VAX2: variants seen among roughly 807,000 people sequenced by gnomAD.
VAX2 encodes the protein ventral anterior homeobox 2.
In VAX2, 8 loss-of-function variants were observed where a neutral mutation model predicts 12.5. The ratio of observed to expected loss-of-function variants is 0.64; its 90% CI spans 0.37 to 1.15. VAX2 has a LOEUF of 1.15. VAX2 is among the 50% of genes most tolerant of loss of function. The pLI is 0.01. For synonymous variants in VAX2, 183 were observed against 187.6 expected (o/e 0.98, Z 0.20); for missense variants, 476 against 412.9 (o/e 1.15, Z -1.32).
chr2:70,905,324 T>G lies in VAX2; in HGVS notation c.247+4456T>G, dbSNP rs185411357. ...TTTTGGTTTTAGCATTTGTAGAGGG[T>G]TTCTTTTTTGTTTGTTTGTTTTCTT... On this transcript the variant is annotated intron_variant, in intron 1 of 2. Transcript: ENST00000234392. 9.2e-3 allele frequency among the ~76,000 whole-genome samples: 1,403 copies of G among 152,178 alleles called. 18 individuals are homozygous for G. The highest frequency in any genetic ancestry group is 0.013 in the Non-Finnish European group (876 of 68,008).
At chr2:70,921,375 A>C in intron 2 of VAX2, 90 bp downstream of exon 2, 2 of 1,401,012 alleles carry the variant, frequency 1.4e-6, no homozygotes, top group Non-Finnish European at 1.9e-6. Flanking sequence ...CTACAGGGAG[A>C]CCCAACTTTG....
chr2:70,929,142 C>A (rs1318091468), intron 2 of VAX2, among the ~76,000 whole-genome samples: 1 of 152,238 alleles, frequency 6.6e-6, no homozygotes, highest in Non-Finnish European at 1.5e-5. Context: ...TTTCTTCTTT[C>A]CAGTCATTGC....
intron 1 of VAX2, among the ~76,000 whole-genome samples, chr2:70,912,702 A>G (rs1380400571): frequency 2.6e-5 from 4 of 152,014 alleles, no homozygotes; most frequent in Non-Finnish European, 5.9e-5. Context: ...GTGCAAAGAG[A>G]CTACCTAGTG....
intron 1 of VAX2, among the ~76,000 whole-genome samples, chr2:70,916,100 T>C (rs1444395011): frequency 1.3e-5 from 2 of 152,222 alleles, no homozygotes; most frequent in Non-Finnish European, 2.9e-5. Flanking sequence ...ATAAGTGGAA[T>C]ACAGAGACAC....
rs1553409781 is a variant in VAX2 at position 70,901,515 on chromosome 2, C to CGT, written c.247+648_247+649dup. Among the ~76,000 whole-genome samples, 4 of 152,216 alleles carry CGT rather than the reference C, an allele frequency of 2.6e-5. No homozygotes were observed. In the South Asian group the frequency reaches 8.3e-4, roughly 32 times the overall value. On this transcript the variant is annotated intron_variant, in intron 1 of 2. Coordinates refer to ENST00000234392, the MANE Select transcript of VAX2 (RefSeq NM_012476.3). ...CGCCTTCCCGCGGCCTGGCCTTTCA[C>CGT]GTCCTTCTCTTTCTCCCTCGGCCCT...
At position 70,909,694 on chromosome 2, in the gene VAX2, T is replaced by G. The variant is rs189884210; in HGVS notation, c.247+8826T>G. Reference sequence around the variant, plus strand: ...AAATTGTCTTAGCTTGCAAGTAGAGTAAAAGAATATTTGTGGAAATCTTTC... The same window carrying G: ...AAATTGTCTTAGCTTGCAAGTAGAGGAAAAGAATATTTGTGGAAATCTTTC... On this transcript the variant is annotated intron_variant, in intron 1 of 2. Coordinates refer to ENST00000234392, the MANE Select transcript of VAX2 (RefSeq NM_012476.3). 1.6e-4 allele frequency among the ~76,000 whole-genome samples: 25 copies of G among 152,300 alleles called. No homozygotes were observed. In the East Asian group the frequency reaches 4.2e-3, roughly 26 times the overall value.
rs139621053 is a variant in VAX2 at position 70,933,402 on chromosome 2, G to T, written c.*198G>T. On this transcript the variant is annotated 3_prime_UTR_variant, in exon 3 of 3. Coordinates refer to ENST00000234392, the MANE Select transcript of VAX2 (RefSeq NM_012476.3). ...GTGCGTGAGTGCAGTGTGAGTGTGT[G>T]TGTCTCTCACTGAAATAAAAGGAAA... is the stretch of plus-strand genomic sequence containing the variant. The T allele has an allele frequency of 3.2e-4, 137 of 428,456 alleles. 1 individual carries two copies. In the East Asian group the frequency reaches 4.6e-3, roughly 14 times the overall value. 26.5% of individuals were successfully genotyped at this position (428,456 alleles called of 1,614,324 possible).
At chr2:70,901,020 T>C (rs970579326) in intron 1 of VAX2, 152 bp downstream of exon 1, 6 of 940,296 alleles carry the variant, frequency 6.4e-6, no homozygotes, top group Non-Finnish European at 8.5e-6. Flanking sequence ...TGAGCGTCTA[T>C]TGTGTGCTGG....
At chr2:70,920,388 C>A (rs782127773) in intron 1 of VAX2, among the ~76,000 whole-genome samples, 1 of 152,092 alleles carries the variant, frequency 6.6e-6, no homozygotes, top group Non-Finnish European at 1.5e-5. Context: ...ATATTGGAGG[C>A]CCTCTGTGCG....
At chr2:70,911,487 T>C (rs1398446480) in intron 1 of VAX2, among the ~76,000 whole-genome samples, 1 of 152,168 alleles carries the variant, frequency 6.6e-6, no homozygotes, top group East Asian at 1.9e-4. Flanking sequence ...AAAGGAACAG[T>C]GCATTTTAAG....
In VAX2 at chr2:70,909,836, A is replaced by G. The variant is rs59436327; in HGVS notation, c.247+8968A>G. 2.8e-3 allele frequency among the ~76,000 whole-genome samples: 429 copies of G among 152,246 alleles called. 1 individual carries two copies. The highest frequency in any genetic ancestry group is 1.0e-2 in the African/African-American group (414 of 41,564). Reference sequence around the variant, plus strand: ...ATATTTAGGTTGGTTGTACTTTTTCATTATTACAAACAATGCTGTAGTGAA... The same window carrying G: ...ATATTTAGGTTGGTTGTACTTTTTCGTTATTACAAACAATGCTGTAGTGAA... On this transcript the variant is annotated intron_variant, in intron 1 of 2. Transcript: ENST00000234392.
chr2:70,917,754 CT>C (rs35689911), intron 1 of VAX2, among the ~76,000 whole-genome samples: 121,419 of 152,016 alleles, frequency 0.8, 49,098 homozygotes, highest in African/African-American at 0.93. Flanking sequence ...GGCAATCCCC[CT>C]TTTAGGTCTT....
At position 70,933,367 on chromosome 2, in the gene VAX2, C is replaced by G. The variant is rs965102544; in HGVS notation, c.*163C>G. 3.4e-6 allele frequency: 2 copies of G among 596,174 alleles called. No individual in the cohort carries two copies. Among genetic ancestry groups the G allele is most frequent in the African/African-American group, 3.8e-5 (2 of 52,250 alleles). 36.9% of individuals were successfully genotyped at this position (596,174 alleles called of 1,614,324 possible). ...ACTCGTGACCAAATGGCCTTGGTCC[C>G]GCAGCTTGTGTGCGTGAGTGCAGTG... On this transcript the variant is annotated 3_prime_UTR_variant, in exon 3 of 3. Transcript: ENST00000234392.
intron 1 of VAX2, among the ~76,000 whole-genome samples, chr2:70,901,559 C>G (rs568852721): frequency 5.3e-5 from 8 of 152,350 alleles, no homozygotes; most frequent in Non-Finnish European, 1.2e-4. Context: ...TCTCGTCTTT[C>G]CCGGCCATTC....
rs563473567 is a variant in VAX2 at position 70,924,851 on chromosome 2, C to T, written c.435+3566C>T. On this transcript the variant is annotated intron_variant, in intron 2 of 2. Transcript: ENST00000234392. ...AAGATCCACAGAGACAAAGACAAAC[C>T]GCATTTCCAGGAGTGATGAGTGTTG... is the stretch of plus-strand genomic sequence containing the variant. Among the ~76,000 whole-genome samples the T allele has an allele frequency of 4.6e-5, 7 of 152,226 alleles. No individual in the cohort carries two copies. The South Asian group carries it at 6.2e-4, about 14-fold the overall frequency.
At chr2:70,930,738 T>C (rs542484758) in intron 2 of VAX2, among the ~76,000 whole-genome samples, 1 of 152,188 alleles carries the variant, frequency 6.6e-6, no homozygotes, top group Non-Finnish European at 1.5e-5. Flanking sequence ...GCTCAAGCCT[T>C]CTCCTCCACC....
intron 2 of VAX2, among the ~76,000 whole-genome samples, chr2:70,925,788 T>TG (rs1553413467): frequency 6.6e-6 from 1 of 152,196 alleles, no homozygotes; most frequent in Non-Finnish European, 1.5e-5. Context: ...AAGGCTCTTT[T>TG]GGGCCCGAGG....
At chr2:70,924,053 T>C (rs1679517789) in intron 2 of VAX2, among the ~76,000 whole-genome samples, 1 of 152,122 alleles carries the variant, frequency 6.6e-6, no homozygotes, top group Non-Finnish European at 1.5e-5. Flanking sequence ...CCCAGCTACT[T>C]GGGAGGCTGA....
rs1160375795 is a variant in VAX2 at position 70,932,821 on chromosome 2, G to T, written c.490G>T (p.Asp164Tyr). 1.2e-6 allele frequency: 2 copies of T among 1,611,186 alleles called. No homozygotes were observed. Among genetic ancestry groups the T allele is most frequent in the African/African-American group, 2.7e-5 (2 of 74,612 alleles). Reference sequence around the variant, plus strand: ...CAAGCAGAAGAAAGACCAGAGCAGAGACCTGGAGAAGCGGGCGTCCTCCTC... The same window carrying T: ...CAAGCAGAAGAAAGACCAGAGCAGATACCTGGAGAAGCGGGCGTCCTCCTC... ...RTKQKKDQSR[D>Y]LEKRASSSAS... The change falls in exon 3 of 3, where the codon GAC (aspartate) becomes TAC (tyrosine). Residue 164 changes from aspartate (D) to tyrosine (Y), a missense_variant. Transcript: ENST00000234392.
Sources: gnomAD v4.1 joint callset for allele counts (sites outside exome capture counted in the v4.1 genomes callset) on GRCh38, gnomAD v4.1.1 for gene constraint, MANE v1.5 for transcripts, NCBI Gene and HGNC (gene_info 2026-07-23, HGNC 2026-07-21) for gene names.